Variants in KNDC1 observed in about 807,000 individuals in gnomAD.
KNDC1 encodes the protein kinase non-catalytic C-lobe domain containing 1, also known as kinase non-catalytic C-lobe domain-containing protein 1.
Under a neutral mutation model 172.8 loss-of-function variants are expected in KNDC1, and 106 were observed. The ratio of observed to expected loss-of-function variants is 0.61; its 90% CI spans 0.52 to 0.72. The LOEUF (loss-of-function observed/expected upper bound fraction) is 0.72. KNDC1 is among the 30% of genes least tolerant of loss of function. The pLI, the probability that KNDC1 is intolerant of heterozygous loss-of-function variation, is 0.00. For synonymous variants in KNDC1, 1,083 were observed against 1,062.2 expected (o/e 1.02, Z -0.38); for missense variants, 2,325 against 2,394.5 (o/e 0.97, Z 0.61).
chr10:133,200,366 C>G lies in KNDC1; in HGVS notation c.2904-9C>G. The G allele has an allele frequency of 1.3e-6, 2 of 1,578,810 alleles. No homozygotes were observed. The highest frequency in any genetic ancestry group is 1.2e-5 in the South Asian group (1 of 86,244). ...GGAGGTGGGGACTGACCTGCATTCT[C>G]GTCGTCAGCACGGCCGAGGAGGCTG... is the stretch of plus-strand genomic sequence containing the variant. On this transcript the variant is annotated splice_polypyrimidine_tract_variant and intron_variant, in intron 15 of 29. Transcript: ENST00000304613.
At chr10:133,199,870 C>T (rs562490817) in intron 15 of KNDC1, among the ~76,000 whole-genome samples, 13 of 152,262 alleles carry the variant, frequency 8.5e-5, no homozygotes, top group Admixed American at 6.5e-4. Context: ...AGGGGCTCTC[C>T]GGGAGGCTGC....
chr10:133,203,455 C>T (rs956267202), intron 17 of KNDC1, among the ~76,000 whole-genome samples: 17 of 152,256 alleles, frequency 1.1e-4, no homozygotes, highest in Non-Finnish European at 1.9e-4. Context: ...AGGGCAAAAA[C>T]CACCTGGAGA....
intron 17 of KNDC1, chr10:133,202,441 G>C: frequency 2.5e-6 from 1 of 401,780 alleles, no homozygotes; most frequent in Non-Finnish European, 5.0e-6. Flanking sequence ...GGAGTCCTGG[G>C]TGCAGGAGAG....
At chr10:133,200,280 G>A (rs1476735689) in intron 15 of KNDC1, 95 bp from the exon 16 acceptor site, 27 of 917,766 alleles carry the variant, frequency 2.9e-5, no homozygotes, top group Middle Eastern at 4.5e-4. Context: ...CGAGAGCTCC[G>A]CATAGACGTG....
At chr10:133,214,724 G>A (rs1051129175) in intron 26 of KNDC1, among the ~76,000 whole-genome samples, 1 of 152,232 alleles carries the variant, frequency 6.6e-6, no homozygotes, top group Non-Finnish European at 1.5e-5. Context: ...TCTGACCAAG[G>A]TCAAGGTCAA....
Position 133,189,496 on chromosome 10 carries a change from G to A in KNDC1, c.1442-102G>A, listed in dbSNP as rs1161839745. On this transcript the variant is annotated intron_variant, in intron 7 of 29. Coordinates refer to ENST00000304613, the MANE Select transcript of KNDC1 (RefSeq NM_152643.8). ...GCGTGCCCGTGCAATGGGGAGGCTG[G>A]GGGGCTGCCCGGCCTGACTGAGGCT... 6 of 1,137,516 alleles carry A rather than the reference G, an allele frequency of 5.3e-6. No homozygotes were observed. The East Asian group carries it at 1.3e-4, about 24-fold the overall frequency. 70.5% of individuals were successfully genotyped at this position (1,137,516 alleles called of 1,614,324 possible). A position where few individuals can be genotyped will look rare whatever the true frequency, so the allele number is the denominator to read the frequency against.
At chr10:133,186,818 G>A in intron 6 of KNDC1, 144 bp downstream of exon 6, 1 of 668,364 alleles carries the variant, frequency 1.5e-6, no homozygotes, top group Non-Finnish European at 2.4e-6. Flanking sequence ...TTTTCATTGA[G>A]CTGCCCCGTT....
chr10:133,191,430 T>A (rs1168243462), intron 9 of KNDC1, among the ~76,000 whole-genome samples: 3 of 151,662 alleles, frequency 2.0e-5, no homozygotes, highest in Non-Finnish European at 2.9e-5. Flanking sequence ...CCGGGTGTGG[T>A]GGCTCACACC....
intron 3 of KNDC1, among the ~76,000 whole-genome samples, chr10:133,177,905 A>AGC (rs1564878743): frequency 3.3e-4 from 17 of 51,908 alleles, no homozygotes; most frequent in African/African-American, 8.2e-4. Flanking sequence ...ATGTGTGTGC[A>AGC]GTGTGTGTGT....
Position 133,225,876 on chromosome 10 carries a change from C to G in KNDC1, c.*986C>G, listed in dbSNP as rs761602397. On this transcript the variant is annotated 3_prime_UTR_variant, in exon 30 of 30. Coordinates refer to ENST00000304613, the MANE Select transcript of KNDC1 (RefSeq NM_152643.8). Reference sequence around the variant, plus strand: ...ACCCCAGGCAGCTGGTGTGGAGCCCCTTGGCCAGGGCCATGGGAGTCCCGC... The same window carrying G: ...ACCCCAGGCAGCTGGTGTGGAGCCCGTTGGCCAGGGCCATGGGAGTCCCGC... The G allele has an allele frequency of 6.6e-6, 1 of 152,452 alleles. No homozygotes were observed. Among genetic ancestry groups the G allele is most frequent in the Non-Finnish European group, 1.5e-5 (1 of 68,162 alleles). 9.4% of individuals were successfully genotyped at this position (152,452 alleles called of 1,614,324 possible).
intron 7 of KNDC1, among the ~76,000 whole-genome samples, chr10:133,189,265 C>T (rs553110992): frequency 2.6e-5 from 4 of 152,268 alleles, no homozygotes; most frequent in South Asian, 2.1e-4. Flanking sequence ...GTGGCTGCCC[C>T]GTGGGCCCTG....
intron 15 of KNDC1, among the ~76,000 whole-genome samples, chr10:133,199,833 C>T (rs553951205): frequency 2.8e-4 from 42 of 152,276 alleles, no homozygotes; most frequent in Admixed American, 2.6e-3. Context: ...TTCTGGAGGA[C>T]GAAAGGGCTT....
chr10:133,176,332 C>T (rs1853538059), intron 3 of KNDC1, among the ~76,000 whole-genome samples: 1 of 151,940 alleles, frequency 6.6e-6, no homozygotes, highest in Non-Finnish European at 1.5e-5. Flanking sequence ...CGGATGGGTT[C>T]CAGGTGCCTG....
intron 2 of KNDC1, 44 bp from the exon 3 acceptor site, chr10:133,168,210 G>C: frequency 1.9e-6 from 3 of 1,580,990 alleles, no homozygotes; most frequent in Non-Finnish European, 2.6e-6. Flanking sequence ...CAGGTTTGCA[G>C]GTGTGACCAG....
intron 26 of KNDC1, among the ~76,000 whole-genome samples, chr10:133,217,454 G>A (rs1469163921): frequency 6.6e-6 from 1 of 152,244 alleles, no homozygotes; most frequent in East Asian, 1.9e-4. Flanking sequence ...CAGGCGCGGT[G>A]GCTCACGCCT....
chr10:133,161,648 C>T (rs1323172511), intron 1 of KNDC1, among the ~76,000 whole-genome samples: 1 of 152,106 alleles, frequency 6.6e-6, no homozygotes, highest in East Asian at 1.9e-4. Context: ...CCCGCCCCCA[C>T]CATGGCCTGG....
chr10:133,222,534 G>A (rs573502790), intron 29 of KNDC1, among the ~76,000 whole-genome samples: 2 of 27,076 alleles, frequency 7.4e-5, no homozygotes, highest in Admixed American at 4.7e-4. Flanking sequence ...TGCTCTTCCC[G>A]GCGTGTGTGT....
At position 133,168,243 on chromosome 10, in the gene KNDC1, TC is replaced by T. The variant is rs985663928; in HGVS notation, c.302-9del. ...CAGAAGCCTTCTCTCCTTCTCTCTC[TC>T]CTCCCCAAGACGACCCTGAGGGTGC... is the stretch of plus-strand genomic sequence containing the variant. On this transcript the variant is annotated splice_polypyrimidine_tract_variant and intron_variant, in intron 2 of 29. Coordinates refer to ENST00000304613, the MANE Select transcript of KNDC1 (RefSeq NM_152643.8). The T allele has an allele frequency of 6.2e-7, 1 of 1,613,514 alleles. No individual in the cohort carries two copies. The highest frequency in any genetic ancestry group is 8.5e-7 in the Non-Finnish European group (1 of 1,179,582).
Position 133,183,456 on chromosome 10 carries a change from A to G in KNDC1, c.473A>G (p.Gln158Arg). 1.9e-6 allele frequency: 3 copies of G among 1,605,982 alleles called. No individual in the cohort carries two copies. Among genetic ancestry groups the G allele is most frequent in the Non-Finnish European group, 2.5e-6 (3 of 1,178,142 alleles). Residue 158 changes from glutamine to arginine, a missense_variant, in exon 4 of 30, where the codon CAG becomes CGG. Physicochemically the swap from Gln to Arg is conservative, Grantham distance 43. Coordinates refer to ENST00000304613, the MANE Select transcript of KNDC1 (RefSeq NM_152643.8). ...CTCGAGGCGCTGCTGAGCCGGATGC[A>G]GGCGGAGGACCCCGGGGACCGGCCG... is the stretch of plus-strand genomic sequence containing the variant. ...QDLEALLSRM[Q>R]AEDPGDRPDL...
Sources: gnomAD v4.1 joint callset for allele counts (sites outside exome capture counted in the v4.1 genomes callset) on GRCh38, gnomAD v4.1.1 for gene constraint, MANE v1.5 for transcripts, NCBI Gene and HGNC (gene_info 2026-07-23, HGNC 2026-07-21) for gene names.